MTUS2: variants seen among roughly 807,000 people sequenced by gnomAD.
The protein encoded by MTUS2 is microtubule associated scaffold protein 2.
MTUS2 carries 40 observed loss-of-function variants against 114.1 expected under a neutral mutation model. The observed-to-expected ratio is 0.35, with a 90% confidence interval of 0.27 to 0.46. The LOEUF is 0.46. Among genes scored for constraint, MTUS2 ranks in the 20% least tolerant of loss-of-function variants. The pLI, the probability that MTUS2 is intolerant of heterozygous loss-of-function variation, is 1.00. For missense variants in MTUS2, 1,679 were observed against 1,705.4 expected, an observed-to-expected ratio of 0.98 and a Z score of 0.27; for synonymous variants, 688 against 672.0, an observed-to-expected ratio of 1.02 and a Z score of -0.37.
chr13:29,393,163 C>A (rs1370100943), intron 8 of MTUS2, among the ~76,000 whole-genome samples: 1 of 152,174 alleles, frequency 6.6e-6, no homozygotes, highest in Non-Finnish European at 1.5e-5. Context: ...TCCAGCAAAG[C>A]CTCCAGAGAC....
intron 8 of MTUS2, among the ~76,000 whole-genome samples, chr13:29,370,620 G>A (rs766613360): frequency 8.5e-5 from 13 of 152,088 alleles, no homozygotes; most frequent in Non-Finnish European, 1.5e-4. Context: ...CTTCTGCCAT[G>A]GAATAAGCTA....
At chr13:29,412,360 T>G (rs745507186) in intron 8 of MTUS2, among the ~76,000 whole-genome samples, 1 of 152,226 alleles carries the variant, frequency 6.6e-6, no homozygotes, top group Non-Finnish European at 1.5e-5. Flanking sequence ...ATTTTCCCCT[T>G]AGATCTATCA....
At chr13:29,222,246 A>C (rs1895938030) in intron 5 of MTUS2, among the ~76,000 whole-genome samples, 2 of 152,042 alleles carry the variant, frequency 1.3e-5, no homozygotes, top group Admixed American at 1.3e-4. Context: ...TGAGCTCTCT[A>C]TTCTATTGTA....
intron 5 of MTUS2, among the ~76,000 whole-genome samples, chr13:29,229,224 C>T (rs771410532): frequency 1.8e-4 from 27 of 152,292 alleles, no homozygotes; most frequent in Non-Finnish European, 3.1e-4. Flanking sequence ...CTGTGTTCCA[C>T]CTTTGGTCAC....
chr13:29,347,264 G>A (rs1868789699), intron 7 of MTUS2, among the ~76,000 whole-genome samples: 1 of 152,078 alleles, frequency 6.6e-6, no homozygotes, highest in South Asian at 2.1e-4. Context: ...GTCATTGGTT[G>A]GAGGTCTTTC....
intron 10 of MTUS2, among the ~76,000 whole-genome samples, chr13:29,483,307 G>T (rs377622718): frequency 6.6e-6 from 1 of 152,170 alleles, no homozygotes; most frequent in African/African-American, 2.4e-5. Flanking sequence ...GGGACTCGCC[G>T]GCCGAGGCAG....
chr13:28,896,071 G>A (rs1000699208), intron 2 of MTUS2, among the ~76,000 whole-genome samples: 31 of 152,304 alleles, frequency 2.0e-4, no homozygotes, highest in African/African-American at 6.3e-4. Flanking sequence ...TGGGCAGCAT[G>A]TGATTGATTA....
chr13:29,045,577 C>A (rs1887576398), intron 4 of MTUS2, among the ~76,000 whole-genome samples: 1 of 152,084 alleles, frequency 6.6e-6, no homozygotes, highest in African/African-American at 2.4e-5. Flanking sequence ...GTCTTGCCAC[C>A]ACAGGTGGAG....
chr13:29,193,186 A>T (rs1455208515), intron 5 of MTUS2, among the ~76,000 whole-genome samples: 1 of 151,860 alleles, frequency 6.6e-6, no homozygotes, highest in Non-Finnish European at 1.5e-5. Context: ...TGGGAGAGTG[A>T]CCTCCCACTT....
intron 5 of MTUS2, among the ~76,000 whole-genome samples, chr13:29,128,154 A>G (rs1440566216): frequency 1.3e-5 from 2 of 152,222 alleles, no homozygotes; most frequent in Non-Finnish European, 2.9e-5. Flanking sequence ...CAGAATAGCC[A>G]TGTGAATTTG....
At chr13:29,019,300 G>T (rs1886198546) in intron 2 of MTUS2, among the ~76,000 whole-genome samples, 1 of 152,106 alleles carries the variant, frequency 6.6e-6, no homozygotes, top group South Asian at 2.1e-4. Flanking sequence ...CATCCTTTTG[G>T]CACCGGGGGC....
At chr13:29,333,771 A>G (rs957243999) in intron 7 of MTUS2, among the ~76,000 whole-genome samples, 2 of 152,140 alleles carry the variant, frequency 1.3e-5, no homozygotes, top group Non-Finnish European at 1.5e-5. Flanking sequence ...TGATCTGTCT[A>G]ATATTGACAG....
At chr13:28,973,537 T>G (rs1883951055) in intron 2 of MTUS2, among the ~76,000 whole-genome samples, 1 of 152,226 alleles carries the variant, frequency 6.6e-6, no homozygotes, top group Non-Finnish European at 1.5e-5. Flanking sequence ...GCCAAACTGC[T>G]TATGAAAGTG....
intron 5 of MTUS2, among the ~76,000 whole-genome samples, chr13:29,228,014 A>G (rs900598207): frequency 3.1e-5 from 4 of 130,906 alleles, no homozygotes; most frequent in South Asian, 2.9e-4. Context: ...TTGGAAAGCA[A>G]TTTGGCAGTA....
intron 5 of MTUS2, among the ~76,000 whole-genome samples, chr13:29,122,748 G>A (rs1037319552): frequency 1.3e-5 from 2 of 152,262 alleles, no homozygotes; most frequent in Middle Eastern, 3.4e-3. Context: ...TATAGGAATT[G>A]AAATTTCTAC....
chr13:28,947,653 A>G (rs994581371), intron 2 of MTUS2, among the ~76,000 whole-genome samples: 3 of 152,186 alleles, frequency 2.0e-5, no homozygotes, highest in Non-Finnish European at 4.4e-5. Context: ...CCCACTCAGT[A>G]TGTAAAGAAT....
chr13:29,131,503 C>T (rs564843553), intron 5 of MTUS2, among the ~76,000 whole-genome samples: 2 of 152,374 alleles, frequency 1.3e-5, no homozygotes, highest in Admixed American at 6.5e-5. Context: ...CTCAGGAGGA[C>T]TTGGCGTGGG....
intron 5 of MTUS2, among the ~76,000 whole-genome samples, chr13:29,219,421 C>T (rs577217807): frequency 9.4e-5 from 14 of 149,520 alleles, no homozygotes; most frequent in African/African-American, 2.7e-4. Flanking sequence ...TGAATAATGC[C>T]GCAATAAACA....
chr13:29,352,267 A>G (rs1869355162), intron 7 of MTUS2, among the ~76,000 whole-genome samples: 2 of 152,230 alleles, frequency 1.3e-5, no homozygotes, highest in Admixed American at 1.3e-4. Flanking sequence ...GTTATGGTGA[A>G]GGTGAGTGAT....
Sources: allele counts gnomAD v4.1 joint callset (sites outside exome capture counted in the v4.1 genomes callset), GRCh38; gene constraint gnomAD v4.1.1; transcripts MANE v1.5; gene names NCBI Gene and HGNC (gene_info 2026-07-23, HGNC 2026-07-21).